RIC1: variants seen among roughly 807,000 people sequenced by gnomAD.
RIC1 encodes the protein RIC1 partner of RAB6A GEF complex.
Under a neutral mutation model 169.0 loss-of-function variants are expected in RIC1, and 88 were observed. The observed-to-expected ratio is 0.52, with a 90% confidence interval of 0.44 to 0.62. The LOEUF is 0.62. Among genes scored for constraint, RIC1 ranks in the 20% least tolerant of loss-of-function variants. The probability of loss-of-function intolerance (pLI) is 0.00; values close to 1 mark genes in which losing one functional copy is unlikely to be tolerated. For missense variants in RIC1, 1,877 were observed against 1,725.5 expected (o/e 1.09, Z -1.56); for synonymous variants, 790 against 601.5 (o/e 1.31, Z -4.59).
chr9:5,720,114 A>G (rs560543047), intron 4 of RIC1, 68 bp from the exon 5 acceptor site: 5 of 1,236,936 alleles, frequency 4.0e-6, no homozygotes, highest in Non-Finnish European at 5.7e-6. Flanking sequence ...TCTCTAAAGC[A>G]GTTTTAATAT....
intron 6 of RIC1, among the ~76,000 whole-genome samples, chr9:5,722,819 G>C (rs1475758382): frequency 6.6e-6 from 1 of 151,426 alleles, no homozygotes; most frequent in African/African-American, 2.4e-5. Context: ...TTGGTTTTTT[G>C]TCCTTGCAAT....
chr9:5,650,831 A>G (rs1257378454), intron 1 of RIC1, among the ~76,000 whole-genome samples: 1 of 152,052 alleles, frequency 6.6e-6, no homozygotes, highest in East Asian at 1.9e-4. Flanking sequence ...GATTTTATAT[A>G]TGCTTTAATA....
chr9:5,763,894 G>A lies in RIC1; in HGVS notation c.2841+26G>A. On this transcript the variant is annotated intron_variant, in intron 19 of 25. Transcript: ENST00000414202. This position sits in a 1 kb window ranked among gnomAD's most constrained non-coding sequence, Gnocchi z 5.2. ...GTAACAATTCTCTTCTTATAAAGGG[G>A]CAAGAATTAATGAGCTTAAACTTAG... 3 of 1,580,720 alleles carry A rather than the reference G, an allele frequency of 1.9e-6. No individual in the cohort carries two copies. The highest frequency in any genetic ancestry group is 1.4e-5 in the African/African-American group (1 of 73,900).
intron 1 of RIC1, among the ~76,000 whole-genome samples, chr9:5,631,998 TA>T (rs751871727): frequency 1.3e-5 from 2 of 152,224 alleles, no homozygotes; most frequent in African/African-American, 4.8e-5. Flanking sequence ...ATGGAGCTGC[TA>T]AAAGCTTTGA....
rs184162114 is a variant in RIC1 at position 5,659,204 on chromosome 9, C to A, written c.252+2514C>A. 2.4e-4 allele frequency among the ~76,000 whole-genome samples: 37 copies of A among 152,078 alleles called. No individual in the cohort carries two copies. In the East Asian group the frequency reaches 6.2e-3, roughly 25 times the overall value. On this transcript the variant is annotated intron_variant, in intron 2 of 25. Coordinates refer to ENST00000414202, the MANE Select transcript of RIC1 (RefSeq NM_020829.4). ...GGTAGTCTTGTTGAAAATCAATTGG[C>A]CATTGGTATTTGGGGTTATTTCTGG...
chr9:5,742,945 A>G lies in RIC1; in HGVS notation c.978A>G (p.Glu326=), dbSNP rs1476960619. 6.2e-7 allele frequency: 1 copy of G among 1,613,562 alleles called. No individual in the cohort carries two copies. ...PDNSVVIVTW[E]YGGLSLWSVF... ...ATAGTGTTGTAATAGTGACCTGGGA[A>G]TACGGAGGCCTTTCTTTATGGAGTG... is the stretch of plus-strand genomic sequence containing the variant. Residue 326 remains glutamate, a synonymous_variant, in exon 9 of 26, where the codon GAA becomes GAG. Coordinates refer to ENST00000414202, the MANE Select transcript of RIC1 (RefSeq NM_020829.4).
chr9:5,765,610 C>A, intron 20 of RIC1, 38 bp downstream of exon 20: 4 of 1,614,006 alleles, frequency 2.5e-6, no homozygotes, highest in Non-Finnish European at 3.4e-6. Context: ...CTAGGCCATA[C>A]ACCCACGTAG....
intron 7 of RIC1, among the ~76,000 whole-genome samples, chr9:5,733,614 TTAA>T (rs765580194): frequency 2.0e-5 from 3 of 152,094 alleles, no homozygotes; most frequent in South Asian, 2.1e-4. Context: ...CATTACACTC[TTAA>T]TAAACTCTTT....
intron 3 of RIC1, among the ~76,000 whole-genome samples, chr9:5,699,190 C>G (rs1457055518): frequency 6.6e-6 from 1 of 152,190 alleles, no homozygotes; most frequent in African/African-American, 2.4e-5. Context: ...CTGGCCAGGG[C>G]CACTGTCAAT....
rs185290475 is a variant in RIC1 at position 5,677,354 on chromosome 9, G to A, written c.253-12605G>A. 2.0e-5 allele frequency among the ~76,000 whole-genome samples: 3 copies of A among 152,054 alleles called. No homozygotes were observed. In the East Asian group the frequency reaches 5.8e-4, roughly 29 times the overall value. ...GGTAAAATGTGTGTTCAAATCTTTT[G>A]CCCATTTTTTTAGATGGGATCCTTG... On this transcript the variant is annotated intron_variant, in intron 2 of 25. Transcript: ENST00000414202.
chr9:5,676,973 A>G (rs1367117603), intron 2 of RIC1, among the ~76,000 whole-genome samples: 3 of 152,222 alleles, frequency 2.0e-5, no homozygotes, highest in Admixed American at 1.3e-4. Flanking sequence ...GTAACAAACA[A>G]AACTACATGA....
chr9:5,675,984 C>T (rs146552929), intron 2 of RIC1, among the ~76,000 whole-genome samples: 1,710 of 152,320 alleles, frequency 0.011, 45 homozygotes, highest in African/African-American at 0.039. Flanking sequence ...TTGCCTTTAA[C>T]CTCCCAACTG....
At chr9:5,713,562 C>G (rs1200955611) in intron 3 of RIC1, 1 of 208,236 alleles carries the variant, frequency 4.8e-6, no homozygotes, top group East Asian at 1.3e-4. Context: ...AGTTGTCCAC[C>G]TTAGAAAGGG....
At chr9:5,760,112 C>CA (rs1000636511) in intron 17 of RIC1, among the ~76,000 whole-genome samples, 1 of 151,636 alleles carries the variant, frequency 6.6e-6, no homozygotes, top group African/African-American at 2.4e-5. Flanking sequence ...CTAAAGTTTT[C>CA]AAAAAAAATA....
In RIC1 at chr9:5,750,763, G is replaced by T. The variant is rs1309297364; in HGVS notation, c.1453-2437G>T. Among the ~76,000 whole-genome samples the T allele has an allele frequency of 6.0e-5, 9 of 151,166 alleles. No individual in the cohort carries two copies. In the East Asian group the frequency reaches 1.8e-3, roughly 29 times the overall value. The stretch of plus-strand genomic sequence containing the variant: ...TGCCCTGAGTGTGCTTTCATGACCT[G>T]TTTTTTTTGTCACTGATCAGCTGCC... On this transcript the variant is annotated intron_variant, in intron 12 of 25. Coordinates refer to ENST00000414202, the MANE Select transcript of RIC1 (RefSeq NM_020829.4).
intron 2 of RIC1, among the ~76,000 whole-genome samples, chr9:5,688,459 C>G (rs761538098): frequency 3.3e-5 from 5 of 152,052 alleles, no homozygotes; most frequent in South Asian, 2.1e-4. Flanking sequence ...TGTTGTTGTT[C>G]TTGTTTTTTT....
intron 7 of RIC1, among the ~76,000 whole-genome samples, chr9:5,734,499 T>A (rs181664405): frequency 6.6e-6 from 1 of 152,336 alleles, no homozygotes; most frequent in Non-Finnish European, 1.5e-5. Flanking sequence ...GTTTCTTTCT[T>A]ATACACCTTC....
At chr9:5,630,191 G>A (rs1353774251) in intron 1 of RIC1, among the ~76,000 whole-genome samples, 1 of 152,122 alleles carries the variant, frequency 6.6e-6, no homozygotes, top group African/African-American at 2.4e-5. Context: ...TTTAAGTCCT[G>A]GTTATCTTTT....
chr9:5,689,249 C>T (rs909977781), intron 2 of RIC1, among the ~76,000 whole-genome samples: 2 of 151,806 alleles, frequency 1.3e-5, no homozygotes, highest in African/African-American at 4.8e-5. Context: ...GACAGGGTTT[C>T]ACCACGTTAG....
Sources: allele counts gnomAD v4.1 joint callset (sites outside exome capture counted in the v4.1 genomes callset), GRCh38; gene constraint gnomAD v4.1.1; non-coding constraint Gnocchi (gnomAD v3.1); transcripts MANE v1.5; gene names NCBI Gene and HGNC (gene_info 2026-07-23, HGNC 2026-07-21).